The following COL22A1 variants were observed in gnomAD, a reference collection of about 807,000 sequenced individuals.
The protein encoded by COL22A1 is collagen type XXII alpha 1 chain.
In COL22A1, 221 loss-of-function variants were observed where a neutral mutation model predicts 248.9. That is an observed-to-expected ratio of 0.89 (90% CI 0.80 to 0.99). The LOEUF (loss-of-function observed/expected upper bound fraction) is 0.99, where lower values mean the gene tolerates loss of function less well. Ranked by LOEUF, COL22A1 falls within the 50% of genes least tolerant of loss-of-function variation. COL22A1 has a pLI of 0.00. For synonymous variants in COL22A1, 891 were observed against 793.4 expected (o/e 1.12, Z -2.07); for missense variants, 2,240 against 2,179.0 (o/e 1.03, Z -0.56).
At chr8:138,902,800 C>T (rs1364533081) in intron 1 of COL22A1, among the ~76,000 whole-genome samples, 1 of 143,148 alleles carries the variant, frequency 7.0e-6, no homozygotes, top group Non-Finnish European at 1.5e-5. Context: ...ACTGACTGGG[C>T]TGGTCTCTGT....
In COL22A1 at chr8:138,590,747, T is replaced by C. The variant is rs4131621; in HGVS notation, c.4693+677A>G. On this transcript the variant is annotated intron_variant, in intron 64 of 64. Transcript: ENST00000303045. The stretch of plus-strand genomic sequence containing the variant: ...TCAAATTTCTTCTACCTTCTACCTA[T>C]ACATCTAATTCTGGAATGTGATTAT... Among the ~76,000 whole-genome samples the C allele has an allele frequency of 5.7e-3, 863 of 152,314 alleles. 2 individuals carry two copies. The highest frequency in any genetic ancestry group is 0.01 in the Non-Finnish European group (686 of 68,012).
At chr8:138,760,034 T>C (rs1042286984) in intron 18 of COL22A1, among the ~76,000 whole-genome samples, 2 of 152,078 alleles carry the variant, frequency 1.3e-5, no homozygotes, top group Non-Finnish European at 2.9e-5. Flanking sequence ...CAAATGTATG[T>C]TTATTCCTAA....
intron 1 of COL22A1, 31 bp from the exon 2 acceptor site, chr8:138,883,275 C>T (rs1824381849): frequency 8.3e-7 from 1 of 1,209,668 alleles, no homozygotes; most frequent in African/African-American, 1.5e-5. Flanking sequence ...TTAGAGAAGG[C>T]TCTCAAGCTG....
At chr8:138,729,299 C>A (rs965793736) in intron 23 of COL22A1, among the ~76,000 whole-genome samples, 3 of 152,184 alleles carry the variant, frequency 2.0e-5, no homozygotes, top group African/African-American at 4.8e-5. Context: ...CCCCTTTCCA[C>A]CCTTTAACAC....
chr8:138,791,422 C>G (rs1259272892), intron 12 of COL22A1, among the ~76,000 whole-genome samples: 1 of 152,202 alleles, frequency 6.6e-6, no homozygotes, highest in Non-Finnish European at 1.5e-5. Flanking sequence ...CCAAGTAACA[C>G]AGAACAGCGT....
intron 44 of COL22A1, among the ~76,000 whole-genome samples, chr8:138,659,815 A>C (rs1823623200): frequency 6.6e-6 from 1 of 152,178 alleles, no homozygotes; most frequent in South Asian, 2.1e-4. Flanking sequence ...GGCTGTCCCC[A>C]TCTCCGCAAC....
chr8:138,689,161 G>GGC (rs909137969), intron 36 of COL22A1, among the ~76,000 whole-genome samples, 191 bp from the exon 37 acceptor site: 6 of 145,106 alleles, frequency 4.1e-5, no homozygotes, highest in Admixed American at 6.7e-5. Flanking sequence ...GCTCTCCCGG[G>GGC]GGGGGGGCTG....
intron 39 of COL22A1, 139 bp downstream of exon 39, chr8:138,684,286 C>T: frequency 2.7e-6 from 2 of 735,464 alleles, no homozygotes; most frequent in Non-Finnish European, 4.9e-6. Context: ...GTCCTAGAAC[C>T]TTTAGTCAAA....
chr8:138,759,495 C>T (rs1306469966), intron 18 of COL22A1, among the ~76,000 whole-genome samples: 1 of 152,212 alleles, frequency 6.6e-6, no homozygotes, highest in East Asian at 1.9e-4. Context: ...AGAATGTCAT[C>T]CTCTTGCACT....
intron 16 of COL22A1, among the ~76,000 whole-genome samples, chr8:138,772,207 C>A (rs763366119): frequency 6.6e-6 from 1 of 152,218 alleles, no homozygotes; most frequent in South Asian, 2.1e-4. Flanking sequence ...CGCATGGGCC[C>A]GGTGCTCACC....
At chr8:138,821,018 A>G in intron 7 of COL22A1, 118 bp downstream of exon 7, 1 of 1,145,074 alleles carries the variant, frequency 8.7e-7, no homozygotes, top group Non-Finnish European at 1.2e-6. Flanking sequence ...AAGACGGTCC[A>G]AGGTGATGAT....
At chr8:138,896,745 G>A (rs181075913) in intron 1 of COL22A1, among the ~76,000 whole-genome samples, 101 of 152,314 alleles carry the variant, frequency 6.6e-4, no homozygotes, top group Non-Finnish European at 9.0e-4. Flanking sequence ...GGCCAAGGCA[G>A]GCAGATCACC....
chr8:138,766,904 C>T (rs952621866), intron 16 of COL22A1, among the ~76,000 whole-genome samples: 5 of 152,220 alleles, frequency 3.3e-5, no homozygotes, highest in African/African-American at 1.2e-4. Flanking sequence ...GCCAGCTTTG[C>T]TAGCACTGCA....
chr8:138,766,409 A>G (rs988810458), intron 16 of COL22A1, among the ~76,000 whole-genome samples: 40 of 151,946 alleles, frequency 2.6e-4, no homozygotes, highest in African/African-American at 9.4e-4. Flanking sequence ...GAGAGGATAC[A>G]TGAGGGAAGG....
chr8:138,903,960 T>C (rs6577958), intron 1 of COL22A1, among the ~76,000 whole-genome samples: 34,701 of 152,024 alleles, frequency 0.23, 4,634 homozygotes, highest in African/African-American at 0.38. Flanking sequence ...GAGAACAAGA[T>C]AAGATGCTTC....
At chr8:138,742,481 TTGATGG>T (rs1463671767) in intron 22 of COL22A1, among the ~76,000 whole-genome samples, 5 of 146,238 alleles carry the variant, frequency 3.4e-5, no homozygotes, top group East Asian at 2.0e-4. Flanking sequence ...GATGGTGGAG[TTGATGG>T]TGATGGTGAT....
In COL22A1 at chr8:138,913,942, A is replaced by T. The variant is rs1164310861; in HGVS notation, c.-396T>A. 1 of 152,834 alleles carries T rather than the reference A, an allele frequency of 6.5e-6. No individual in the cohort carries two copies. Among genetic ancestry groups the T allele is most frequent in the African/African-American group, 2.4e-5 (1 of 41,486 alleles). The allele number at this position is 152,834 out of a possible 1,614,324, so 9.5% of individuals were successfully genotyped here. A position where few individuals can be genotyped will look rare whatever the true frequency, so the allele number is the denominator to read the frequency against. ...TGTGTGAGAAACAGAAGAACAGGGA[A>T]AGCGGAGAAGACACTTCCTTGGGGA... On this transcript the variant is annotated 5_prime_UTR_variant, in exon 1 of 65. Coordinates refer to ENST00000303045, the MANE Select transcript of COL22A1 (RefSeq NM_152888.3).
intron 23 of COL22A1, among the ~76,000 whole-genome samples, chr8:138,735,338 C>G (rs111995040): frequency 2.6e-5 from 4 of 152,134 alleles, no homozygotes; most frequent in African/African-American, 9.7e-5. Context: ...CCACTGAGAT[C>G]CCTGAACACA....
intron 10 of COL22A1, among the ~76,000 whole-genome samples, chr8:138,806,246 G>A (rs1481501907): frequency 6.9e-6 from 1 of 144,798 alleles, no homozygotes; most frequent in Admixed American, 6.9e-5. Context: ...GATGGTACGT[G>A]TGTATATATG....
Sources: gnomAD v4.1 joint callset for allele counts (sites outside exome capture counted in the v4.1 genomes callset) on GRCh38, gnomAD v4.1.1 for gene constraint, MANE v1.5 for transcripts, NCBI Gene and HGNC (gene_info 2026-07-23, HGNC 2026-07-21) for gene names.